RORA: variants seen among roughly 807,000 people sequenced by gnomAD.
RORA encodes nuclear receptor ROR-alpha.
Under a neutral mutation model 69.5 loss-of-function variants are expected in RORA, and 7 were observed. That is an observed-to-expected ratio of 0.10 (90% CI 0.06 to 0.19). The LOEUF is 0.19. Among genes scored for constraint, RORA ranks in the 10% least tolerant of loss-of-function variants. RORA has a pLI of 1.00. For synonymous variants in RORA, 261 were observed against 240.8 expected (o/e 1.08, Z -0.78); for missense variants, 457 against 663.0 (o/e 0.69, Z 3.41).
intron 1 of RORA, among the ~76,000 whole-genome samples, chr15:60,826,431 TC>T (rs928955272): frequency 1.3e-5 from 2 of 152,148 alleles, no homozygotes; most frequent in African/African-American, 4.8e-5. Flanking sequence ...GCTGCTGACT[TC>T]CCTTAGCTCA....
At chr15:60,573,375 G>T (rs753569302) in intron 2 of RORA, among the ~76,000 whole-genome samples, 1 of 152,140 alleles carries the variant, frequency 6.6e-6, no homozygotes, top group African/African-American at 2.4e-5. Context: ...GAGGCAGAGC[G>T]GCCGCACAGA....
At chr15:60,849,418 C>T (rs1299274699) in intron 1 of RORA, among the ~76,000 whole-genome samples, 6 of 152,134 alleles carry the variant, frequency 3.9e-5, no homozygotes, top group South Asian at 2.1e-4. Context: ...ATAGATGAAA[C>T]GGACAACATT....
chr15:60,701,399 G>C (rs2070979522), intron 1 of RORA, among the ~76,000 whole-genome samples: 1 of 152,226 alleles, frequency 6.6e-6, no homozygotes, highest in African/African-American at 2.4e-5. Flanking sequence ...AAGAAGTTAG[G>C]AGAAGTTTAT....
chr15:60,845,555 A>C (rs1314935243), intron 1 of RORA, among the ~76,000 whole-genome samples: 1 of 152,138 alleles, frequency 6.6e-6, no homozygotes, highest in Non-Finnish European at 1.5e-5. Context: ...AAAACTTGCT[A>C]CTGAATCTCA....
chr15:60,933,842 G>A (rs1892441490), intron 1 of RORA, among the ~76,000 whole-genome samples: 1 of 152,192 alleles, frequency 6.6e-6, no homozygotes, highest in Non-Finnish European at 1.5e-5. Context: ...AGAGGCACTG[G>A]TGCGATCCAT....
chr15:60,776,090 A>C (rs1035306826), intron 1 of RORA, among the ~76,000 whole-genome samples: 1 of 152,174 alleles, frequency 6.6e-6, no homozygotes, highest in Non-Finnish European at 1.5e-5. Flanking sequence ...TGTTGAAGGG[A>C]AGGTATTTTG....
chr15:60,834,251 T>G (rs2073085178), intron 1 of RORA, among the ~76,000 whole-genome samples: 1 of 152,218 alleles, frequency 6.6e-6, no homozygotes, highest in Non-Finnish European at 1.5e-5. Context: ...AGGGGCAACC[T>G]TGAACCTTAC....
intron 1 of RORA, among the ~76,000 whole-genome samples, chr15:60,869,328 T>C (rs1156369620): frequency 6.6e-6 from 1 of 152,162 alleles, no homozygotes; most frequent in Non-Finnish European, 1.5e-5. Context: ...TTCTTTTCCA[T>C]GAAAATCCCA....
At chr15:60,720,060 C>A (rs1863270) in intron 1 of RORA, among the ~76,000 whole-genome samples, 113,114 of 152,070 alleles carry the variant, frequency 0.74, 42,451 homozygotes, top group East Asian at 0.94. Context: ...TAGAAAGAGG[C>A]GGCATTTTGA....
rs373142561 is a variant in RORA at position 60,562,439 on chromosome 15, G to C, written c.197-30588C>G. Among the ~76,000 whole-genome samples, 42 of 145,994 alleles carry C rather than the reference G, an allele frequency of 2.9e-4. 1 individual carries two copies. The highest frequency in any genetic ancestry group is 2.4e-3 in the South Asian group (11 of 4,540). The stretch of plus-strand genomic sequence containing the variant: ...TTTTTTTGAGGCGGGGTTGGGGGGG[G>C]GTTGCTTTTGTTTTGAGACAGAGTC... On this transcript the variant is annotated intron_variant, in intron 2 of 10. Transcript: ENST00000335670.
At chr15:60,673,104 G>A (rs1202466459) in intron 2 of RORA, among the ~76,000 whole-genome samples, 2 of 152,184 alleles carry the variant, frequency 1.3e-5, no homozygotes, top group African/African-American at 2.4e-5. Flanking sequence ...TGGAACGTAT[G>A]TTATGAAGTG....
At chr15:60,671,351 C>T (rs1301188545) in intron 2 of RORA, among the ~76,000 whole-genome samples, 1 of 151,868 alleles carries the variant, frequency 6.6e-6, no homozygotes, top group Non-Finnish European at 1.5e-5. Context: ...ACATAGCTGT[C>T]CTAGAAGCAG....
At chr15:61,078,527 C>T (rs2078488660) in intron 1 of RORA, among the ~76,000 whole-genome samples, 1 of 152,116 alleles carries the variant, frequency 6.6e-6, no homozygotes, top group Non-Finnish European at 1.5e-5. Context: ...CAGGTTCTGC[C>T]ATTCAGTACC....
intron 2 of RORA, among the ~76,000 whole-genome samples, chr15:60,581,670 T>C (rs1220930434): frequency 6.6e-6 from 1 of 152,234 alleles, no homozygotes; most frequent in African/African-American, 2.4e-5. Context: ...TGCTGAATAT[T>C]ATCAAACCCC....
chr15:60,747,083 G>C (rs2071659369), intron 1 of RORA, among the ~76,000 whole-genome samples: 1 of 151,992 alleles, frequency 6.6e-6, no homozygotes, highest in South Asian at 2.1e-4. Flanking sequence ...CTCTATTAAA[G>C]CTTGGCAGCA....
chr15:60,535,822 A>G (rs542714000), intron 2 of RORA, among the ~76,000 whole-genome samples: 7 of 152,316 alleles, frequency 4.6e-5, no homozygotes, highest in Admixed American at 6.5e-5. Context: ...TGTGTCACGC[A>G]TTATATCTCA....
chr15:61,032,486 G>A, intron 1 of RORA, among the ~76,000 whole-genome samples: 1 of 152,134 alleles, frequency 6.6e-6, no homozygotes, highest in African/African-American at 2.4e-5. Context: ...TAAAAATCAA[G>A]AACTTCTATA....
At chr15:60,846,730 C>T (rs558773294) in intron 1 of RORA, among the ~76,000 whole-genome samples, 2 of 152,214 alleles carry the variant, frequency 1.3e-5, no homozygotes, top group African/African-American at 2.4e-5. Context: ...GAAAGAAACT[C>T]GGGGCCAGCC....
chr15:60,644,694 C>G (rs1012578777), intron 2 of RORA, among the ~76,000 whole-genome samples: 1 of 152,180 alleles, frequency 6.6e-6, no homozygotes, highest in Non-Finnish European at 1.5e-5. Context: ...TTCCATGCCT[C>G]CTTCTCTCTC....
Sources: allele counts gnomAD v4.1 joint callset (sites outside exome capture counted in the v4.1 genomes callset), GRCh38; gene constraint gnomAD v4.1.1; transcripts MANE v1.5; gene names NCBI Gene and HGNC (gene_info 2026-07-23, HGNC 2026-07-21).